The following RARB variants were observed in gnomAD, a reference collection of about 807,000 sequenced individuals.
RARB encodes retinoic acid receptor beta.
RARB carries 17 observed loss-of-function variants against 51.9 expected under a neutral mutation model. The ratio of observed to expected loss-of-function variants is 0.33; its 90% CI spans 0.22 to 0.49. The LOEUF (loss-of-function observed/expected upper bound fraction) is 0.49, where lower values mean the gene tolerates loss of function less well. Ranked by LOEUF, RARB falls within the 20% of genes least tolerant of loss-of-function variation. RARB has a pLI of 0.99. For synonymous variants in RARB, 215 were observed against 195.4 expected, an observed-to-expected ratio of 1.10 and a Z score of -0.84; for missense variants, 369 against 550.8, an observed-to-expected ratio of 0.67 and a Z score of 3.30.
intron 3 of RARB, among the ~76,000 whole-genome samples, chr3:25,087,047 C>A (rs1335473683): frequency 3.3e-5 from 5 of 152,076 alleles, no homozygotes; most frequent in Non-Finnish European, 5.9e-5. Context: ...CAAAATATGT[C>A]CAAGAAATGC....
Position 25,574,914 on chromosome 3 carries a change from G to A in RARB, c.609+4996G>A, listed in dbSNP as rs193138298. ...TCAGGAGGGATAGAAGGTCAGTGGGGGCCACGAAACCCGAGTTCCAGTCCC... is the reference window on the plus strand; with the variant it reads ...TCAGGAGGGATAGAAGGTCAGTGGGAGCCACGAAACCCGAGTTCCAGTCCC... On this transcript the variant is annotated intron_variant, in intron 4 of 7. Transcript: ENST00000330688. Among the ~76,000 whole-genome samples, 416 of 152,154 alleles carry A rather than the reference G, an allele frequency of 2.7e-3. 1 individual carries two copies. Among genetic ancestry groups the A allele is most frequent in the African/African-American group, 9.5e-3 (394 of 41,498 alleles).
rs548520441 is a variant in RARB, at chr3:25,128,682, G to A, written c.-327-3479G>A. 6.6e-5 allele frequency among the ~76,000 whole-genome samples: 10 copies of A among 151,876 alleles called. No individual in the cohort carries two copies. The East Asian group carries it at 7.7e-4, about 12-fold the overall frequency. On this transcript the variant is annotated intron_variant, in intron 3 of 11. Coordinates refer to the RARB transcript ENST00000383772. The stretch of plus-strand genomic sequence containing the variant: ...ATGAAAAGTGATATAAATGGTCCCC[G>A]TGTAGTTATACAAGGAGGCATGCCC...
At chr3:25,570,832 T>G (rs1700678294) in intron 4 of RARB, among the ~76,000 whole-genome samples, 1 of 152,122 alleles carries the variant, frequency 6.6e-6, no homozygotes, top group African/African-American at 2.4e-5. Flanking sequence ...AAACATACTT[T>G]AAAAACAAAA....
At chr3:25,118,379 T>C (rs1033864279) in intron 3 of RARB, among the ~76,000 whole-genome samples, 17 of 152,158 alleles carry the variant, frequency 1.1e-4, no homozygotes, top group Admixed American at 6.5e-5. Context: ...GGATGGAATG[T>C]GGAGTATCTC....
At chr3:24,931,065 A>G (rs569321227) in intron 2 of RARB, among the ~76,000 whole-genome samples, 2 of 152,020 alleles carry the variant, frequency 1.3e-5, no homozygotes, top group African/African-American at 2.4e-5. Context: ...GATTTGTTCA[A>G]GGTCACACAA....
At chr3:25,422,746 A>G (rs1221005407) in intron 5 of RARB, among the ~76,000 whole-genome samples, 1 of 152,096 alleles carries the variant, frequency 6.6e-6, no homozygotes, top group Non-Finnish European at 1.5e-5. Context: ...ATTCTTCATG[A>G]GATACACAAG....
At chr3:25,330,692 T>C (rs1704865182) in intron 5 of RARB, among the ~76,000 whole-genome samples, 4 of 152,206 alleles carry the variant, frequency 2.6e-5, no homozygotes, top group Admixed American at 2.6e-4. Context: ...ATGGGTTAAA[T>C]GCTCCAATTA....
At chr3:25,542,882 C>G (rs1375906029) in intron 3 of RARB, among the ~76,000 whole-genome samples, 3 of 152,142 alleles carry the variant, frequency 2.0e-5, no homozygotes, top group Non-Finnish European at 4.4e-5. Context: ...TTTCTGTTTG[C>G]AGATAGGGAA....
chr3:25,161,444 G>T (rs1399562742), intron 4 of RARB, among the ~76,000 whole-genome samples: 1 of 152,052 alleles, frequency 6.6e-6, no homozygotes, highest in Non-Finnish European at 1.5e-5. Context: ...AACCTGTGGG[G>T]GCCATTCTGC....
intron 4 of RARB, among the ~76,000 whole-genome samples, chr3:25,165,087 G>GT (rs548006125): frequency 5.9e-4 from 90 of 151,726 alleles, no homozygotes; most frequent in African/African-American, 1.3e-3. Flanking sequence ...TAATTTGGGA[G>GT]TTTTTTTTAA....
intron 5 of RARB, among the ~76,000 whole-genome samples, chr3:25,588,947 A>T (rs377219644): frequency 1.1e-4 from 17 of 152,236 alleles, no homozygotes; most frequent in African/African-American, 3.4e-4. Context: ...TCTATTTGTT[A>T]AAAGCAAATC....
intron 5 of RARB, among the ~76,000 whole-genome samples, chr3:25,234,108 T>G (rs1047884738): frequency 1.8e-4 from 27 of 152,174 alleles, no homozygotes; most frequent in Non-Finnish European, 1.5e-5. Context: ...TCTCCTTAAT[T>G]TTCTGAATGA....
intron 5 of RARB, among the ~76,000 whole-genome samples, chr3:25,403,499 G>A (rs2125495945): frequency 6.6e-6 from 1 of 152,278 alleles, no homozygotes; most frequent in South Asian, 2.1e-4. Flanking sequence ...ATGTTACTTA[G>A]GCTAGAGAAT....
intron 4 of RARB, among the ~76,000 whole-genome samples, chr3:25,135,639 T>C (rs1215402787): frequency 6.6e-6 from 1 of 152,052 alleles, no homozygotes; most frequent in African/African-American, 2.4e-5. Flanking sequence ...AACACATTGA[T>C]GTCAGTGAGA....
At chr3:25,507,384 A>G (rs1292945033) in intron 3 of RARB, among the ~76,000 whole-genome samples, 1 of 152,212 alleles carries the variant, frequency 6.6e-6, no homozygotes, top group African/African-American at 2.4e-5. Context: ...TTTATCTGCT[A>G]GGGGCCCAGA....
chr3:25,114,676 G>T (rs1005853354), intron 3 of RARB, among the ~76,000 whole-genome samples: 2 of 152,130 alleles, frequency 1.3e-5, no homozygotes, highest in Non-Finnish European at 2.9e-5. Flanking sequence ...ATTTCTAGTT[G>T]TGTGCCTAGA....
At chr3:24,980,561 T>C (rs1342597845) in intron 2 of RARB, among the ~76,000 whole-genome samples, 1 of 152,178 alleles carries the variant, frequency 6.6e-6, no homozygotes, top group East Asian at 1.9e-4. Context: ...CGAATCGGCT[T>C]GTGAAGCTTG....
chr3:25,221,618 A>G (rs1701950092), intron 5 of RARB, among the ~76,000 whole-genome samples: 1 of 150,632 alleles, frequency 6.6e-6, no homozygotes, highest in Non-Finnish European at 1.5e-5. Context: ...GTCATTATGA[A>G]GATACAACTT....
chr3:24,930,248 G>C (rs545048926), intron 2 of RARB, among the ~76,000 whole-genome samples: 31 of 152,126 alleles, frequency 2.0e-4, no homozygotes, highest in African/African-American at 7.5e-4. Flanking sequence ...TCTCCTTTGA[G>C]GGCTGCTTTT....
Sources: gnomAD v4.1 joint callset for allele counts (sites outside exome capture counted in the v4.1 genomes callset) on GRCh38, gnomAD v4.1.1 for gene constraint, MANE v1.5 for transcripts, NCBI Gene and HGNC (gene_info 2026-07-23, HGNC 2026-07-21) for gene names.